The following RFX3 variants were observed in gnomAD, a reference collection of about 807,000 sequenced individuals.
RFX3 encodes the protein regulatory factor X3, also known as transcription factor RFX3.
In RFX3, 14 loss-of-function variants were observed where a neutral mutation model predicts 98.6. The ratio of observed to expected loss-of-function variants is 0.14; its 90% CI spans 0.09 to 0.22. The LOEUF (loss-of-function observed/expected upper bound fraction) is 0.22, where lower values mean the gene tolerates loss of function less well. Ranked by LOEUF, RFX3 falls within the 10% of genes least tolerant of loss-of-function variation. RFX3 has a pLI of 1.00. For synonymous variants in RFX3, 383 were observed against 328.4 expected (o/e 1.17, Z -1.80); for missense variants, 639 against 926.9 (o/e 0.69, Z 4.03).
chr9:3,492,606 T>G (rs1850806832), intron 1 of RFX3, among the ~76,000 whole-genome samples: 2 of 152,134 alleles, frequency 1.3e-5, no homozygotes, highest in Admixed American at 6.5e-5. Context: ...AGTCAACAGA[T>G]AGCTTGCAAG....
At chr9:3,282,336 A>ATAGGTAT (rs1267214156) in intron 7 of RFX3, among the ~76,000 whole-genome samples, 1 of 151,800 alleles carries the variant, frequency 6.6e-6, no homozygotes, top group Admixed American at 6.6e-5. Context: ...CTGGTTAATG[A>ATAGGTAT]TAGGTATTCC....
intron 4 of RFX3, among the ~76,000 whole-genome samples, chr9:3,306,041 T>C (rs1829276563): frequency 6.6e-6 from 1 of 152,034 alleles, no homozygotes; most frequent in East Asian, 1.9e-4. Flanking sequence ...TTCTGCTAGG[T>C]AGAAATATAC....
chr9:3,381,470 A>AT (rs1839188180), intron 2 of RFX3, among the ~76,000 whole-genome samples: 1 of 152,104 alleles, frequency 6.6e-6, no homozygotes, highest in East Asian at 1.9e-4. Flanking sequence ...CAACATACAG[A>AT]TTTTTTAGAT....
intron 5 of RFX3, among the ~76,000 whole-genome samples, chr9:3,294,055 T>G (rs547719322): frequency 6.6e-6 from 1 of 152,296 alleles, no homozygotes; most frequent in Admixed American, 6.5e-5. Flanking sequence ...CAAAAAAATC[T>G]TTAAAGCACT....
intron 4 of RFX3, among the ~76,000 whole-genome samples, chr9:3,316,554 A>G (rs1008616261): frequency 2.6e-5 from 4 of 152,146 alleles, no homozygotes; most frequent in African/African-American, 4.8e-5. Context: ...AGAAATAAAG[A>G]GTATTCAATT....
At position 3,248,080 on chromosome 9, in the gene RFX3, A is replaced by G. The variant is rs1451634211; in HGVS notation, c.1920T>C (p.His640=). The G allele has an allele frequency of 6.8e-6, 11 of 1,614,028 alleles. No individual in the cohort carries two copies. Among genetic ancestry groups the G allele is most frequent in the Non-Finnish European group, 8.5e-6 (10 of 1,179,932 alleles). Residue 640 remains histidine (H), a synonymous_variant, in exon 15 of 17, where the codon CAT becomes CAC. Coordinates refer to ENST00000617270, the MANE Select transcript of RFX3 (RefSeq NM_001282116.2). ...TCTCTCCTGTTGCCTGAGCAACACG[A>G]TGTTCTACTAAGTAAAACATATATT... ...YDEYMFYLVE[H]RVAQATGETP...
At chr9:3,394,906 T>C (rs1188572688) in intron 2 of RFX3, 1 of 863,374 alleles carries the variant, frequency 1.2e-6, no homozygotes, top group Non-Finnish European at 1.4e-6. Flanking sequence ...CTGTAGTAAA[T>C]ATCTGATGAT....
At chr9:3,524,527 T>C (rs1211946638) in intron 1 of RFX3, 1 of 982,290 alleles carries the variant, frequency 1.0e-6, no homozygotes, top group Admixed American at 6.2e-5. Context: ...TTGACTTGAA[T>C]TTCAACTCTC....
intron 1 of RFX3, among the ~76,000 whole-genome samples, chr9:3,513,713 C>T (rs1817864470): frequency 6.6e-6 from 1 of 152,184 alleles, no homozygotes; most frequent in African/African-American, 2.4e-5. Context: ...TTACTCTGAT[C>T]TGTATCTCCA....
At chr9:3,336,181 G>T (rs1231259915) in intron 3 of RFX3, among the ~76,000 whole-genome samples, 1 of 152,190 alleles carries the variant, frequency 6.6e-6, no homozygotes, top group South Asian at 2.1e-4. Flanking sequence ...TATAGATATG[G>T]TGACCATTAT....
chr9:3,240,985 T>C (rs1819837104), intron 15 of RFX3, among the ~76,000 whole-genome samples: 1 of 152,218 alleles, frequency 6.6e-6, no homozygotes, highest in African/African-American at 2.4e-5. Flanking sequence ...CGGTGGACTT[T>C]GCTGAAGAGG....
chr9:3,338,961 T>C (rs12350916), intron 3 of RFX3, among the ~76,000 whole-genome samples: 49,969 of 151,648 alleles, frequency 0.33, 11,909 homozygotes, highest in African/African-American at 0.68. Flanking sequence ...TGGTGGCGTG[T>C]GGCTGCAGTC....
chr9:3,509,351 G>C (rs977722592), intron 1 of RFX3, among the ~76,000 whole-genome samples: 1 of 151,844 alleles, frequency 6.6e-6, no homozygotes, highest in Non-Finnish European at 1.5e-5. Context: ...ATAATTAAAT[G>C]AATGTTTACA....
At chr9:3,469,052 A>T (rs1438914250) in intron 1 of RFX3, 1 of 367,920 alleles carries the variant, frequency 2.7e-6, no homozygotes, top group Non-Finnish European at 5.5e-6. Flanking sequence ...AAGCATCTCC[A>T]GATAAATTCA....
intron 1 of RFX3, among the ~76,000 whole-genome samples, chr9:3,405,882 C>G (rs1199413844): frequency 6.6e-6 from 1 of 152,104 alleles, no homozygotes; most frequent in East Asian, 1.9e-4. Context: ...CTACTGTCTC[C>G]CCAAGTTTAT....
At chr9:3,246,743 T>A (rs1039571548) in intron 15 of RFX3, among the ~76,000 whole-genome samples, 1 of 152,164 alleles carries the variant, frequency 6.6e-6, no homozygotes, top group African/African-American at 2.4e-5. Context: ...ATTGTTTTGG[T>A]CACATGAGGT....
intron 1 of RFX3, among the ~76,000 whole-genome samples, chr9:3,525,187 T>C (rs1388494049): frequency 1.3e-5 from 2 of 151,946 alleles, no homozygotes; most frequent in Non-Finnish European, 2.9e-5. Context: ...CACCAACGTA[T>C]GAGGATTAAA....
At chr9:3,349,933 T>G (rs1355667423) in intron 2 of RFX3, among the ~76,000 whole-genome samples, 1 of 152,022 alleles carries the variant, frequency 6.6e-6, no homozygotes, top group Non-Finnish European at 1.5e-5. Context: ...TAAATAAAAT[T>G]GTAAACCTGT....
At chr9:3,270,882 C>T in intron 10 of RFX3, 121 bp downstream of exon 10, 1 of 1,418,110 alleles carries the variant, frequency 7.1e-7, no homozygotes, top group African/African-American at 1.4e-5. Context: ...ATGGCCAAAA[C>T]ATCAATCTAT....
Sources: allele counts gnomAD v4.1 joint callset (sites outside exome capture counted in the v4.1 genomes callset), GRCh38; gene constraint gnomAD v4.1.1; transcripts MANE v1.5; gene names NCBI Gene and HGNC (gene_info 2026-07-23, HGNC 2026-07-21).